LINGO2: variants seen among roughly 807,000 people sequenced by gnomAD.
The protein encoded by LINGO2 is leucine rich repeat and Ig domain containing 2, also known as leucine-rich repeat and immunoglobulin-like domain-containing nogo receptor-interacting protein 2.
A neutral mutation model predicts 30.6 loss-of-function variants in LINGO2; 14 were observed. That is an observed-to-expected ratio of 0.46 (90% CI 0.30 to 0.72). The LOEUF (loss-of-function observed/expected upper bound fraction) is 0.72, where lower values mean the gene tolerates loss of function less well. Among genes scored for constraint, LINGO2 ranks in the 30% least tolerant of loss-of-function variants. The pLI, the probability that LINGO2 is intolerant of heterozygous loss-of-function variation, is 0.07. For missense variants in LINGO2, 729 were observed against 751.7 expected (o/e 0.97, Z 0.35); for synonymous variants, 317 against 288.5 (o/e 1.10, Z -1.00).
intron 5 of LINGO2, among the ~76,000 whole-genome samples, chr9:27,956,696 G>T (rs1173515608): frequency 6.6e-6 from 1 of 152,044 alleles, no homozygotes; most frequent in Non-Finnish European, 1.5e-5. Flanking sequence ...TCAAGTCCGT[G>T]ACCCATTTTG....
chr9:28,829,069 A>T, the LINGO2 span, among the ~76,000 whole-genome samples: 1 of 151,766 alleles, frequency 6.6e-6, no homozygotes, highest in South Asian at 2.1e-4. Context: ...AGCCATAAAA[A>T]CCCCCAGGAC....
At chr9:28,753,582 G>T in the LINGO2 span, among the ~76,000 whole-genome samples, 1 of 152,168 alleles carries the variant, frequency 6.6e-6, no homozygotes, top group East Asian at 1.9e-4. Flanking sequence ...GTCATGAGGG[G>T]AAGCTTTTAA....
chr9:28,924,335 C>T, the LINGO2 span, among the ~76,000 whole-genome samples: 2 of 152,170 alleles, frequency 1.3e-5, no homozygotes, highest in Non-Finnish European at 2.9e-5. Flanking sequence ...ACTCTCCCAC[C>T]TCAGCCCCAC....
chr9:28,811,912 T>C, the LINGO2 span, among the ~76,000 whole-genome samples: 9 of 152,262 alleles, frequency 5.9e-5, no homozygotes, highest in East Asian at 1.7e-3. Context: ...GTTTTCCTTA[T>C]TCACCCCTAG....
chr9:28,488,003 GA>G (rs1162602746), intron 1 of LINGO2, among the ~76,000 whole-genome samples: 4 of 152,126 alleles, frequency 2.6e-5, no homozygotes, highest in African/African-American at 9.7e-5. Context: ...TGTATACTCT[GA>G]AAAGCATGCT....
chr9:28,418,368 T>G (rs572758394), intron 2 of LINGO2, among the ~76,000 whole-genome samples: 2 of 149,152 alleles, frequency 1.3e-5, no homozygotes, highest in Non-Finnish European at 3.0e-5. Context: ...AACCTCTGTC[T>G]CCCATGTTCA....
intron 4 of LINGO2, among the ~76,000 whole-genome samples, chr9:28,052,805 G>A (rs1202598058): frequency 6.6e-6 from 1 of 151,960 alleles, no homozygotes; most frequent in Non-Finnish European, 1.5e-5. Flanking sequence ...CATGACATTT[G>A]GCATCAAAGG....
chr9:28,699,265 C>A, the LINGO2 span, among the ~76,000 whole-genome samples: 1 of 151,888 alleles, frequency 6.6e-6, no homozygotes, highest in Admixed American at 6.6e-5. Flanking sequence ...CCCTAAAAAT[C>A]TTCCATACTC....
intron 1 of LINGO2, among the ~76,000 whole-genome samples, chr9:28,537,548 GAA>G (rs72454733): frequency 2.1e-5 from 3 of 140,804 alleles, no homozygotes; most frequent in African/African-American, 7.8e-5. Flanking sequence ...AAAGTAAATA[GAA>G]AAAAAAAAAT....
intron 3 of LINGO2, among the ~76,000 whole-genome samples, chr9:28,360,631 G>A (rs905214296): frequency 3.9e-5 from 6 of 152,126 alleles, no homozygotes; most frequent in African/African-American, 9.7e-5. Flanking sequence ...GCCTGAAACC[G>A]CAGATAGTAC....
At chr9:28,512,580 GATATATATGTGTGTATATATATAT>G (rs1365372135) in intron 1 of LINGO2, among the ~76,000 whole-genome samples, 19 of 87,118 alleles carry the variant, frequency 2.2e-4, no homozygotes, top group African/African-American at 7.3e-4. Context: ...GAACTAACAG[GATATATATGTGTGTATATATATAT>G]ATATATATAT....
At chr9:28,913,093 A>C in the LINGO2 span, among the ~76,000 whole-genome samples, 1 of 152,214 alleles carries the variant, frequency 6.6e-6, no homozygotes, top group East Asian at 1.9e-4. Flanking sequence ...ACTGATCTAG[A>C]CAATAATTAT....
At chr9:28,542,472 C>T (rs571170999) in intron 1 of LINGO2, among the ~76,000 whole-genome samples, 54 of 152,010 alleles carry the variant, frequency 3.6e-4, no homozygotes, top group African/African-American at 1.1e-3. Flanking sequence ...TAGTGAATTG[C>T]GGATTTCTTC....
Position 28,050,146 on chromosome 9 carries a change from G to A in LINGO2, c.-86-37741C>T, listed in dbSNP as rs1824605517. Among the ~76,000 whole-genome samples, 6 of 150,542 alleles carry A rather than the reference G, an allele frequency of 4.0e-5. 1 individual carries two copies. Among genetic ancestry groups the A allele is most frequent in the African/African-American group, 1.5e-4 (6 of 40,674 alleles). On this transcript the variant is annotated intron_variant, in intron 4 of 5. Coordinates refer to ENST00000379992, the Ensembl canonical transcript of LINGO2. ...CAAGTATAACTAGCTCTCTAGTGTG[G>A]GTGGCTGAGTGAAGCAACTAAAATT...
At chr9:28,526,108 C>A (rs1821026893) in intron 1 of LINGO2, among the ~76,000 whole-genome samples, 1 of 141,300 alleles carries the variant, frequency 7.1e-6, no homozygotes, top group Admixed American at 7.1e-5. Flanking sequence ...TACTGGTGAA[C>A]TTGTATGGAA....
the LINGO2 span, among the ~76,000 whole-genome samples, chr9:28,976,051 A>G: frequency 0.65 from 98,896 of 151,970 alleles, 32,791 homozygotes; most frequent in Non-Finnish European, 0.72. Flanking sequence ...GTCAAACAAG[A>G]AATTAAATTA....
chr9:29,064,861 T>C, the LINGO2 span, among the ~76,000 whole-genome samples: 1 of 152,134 alleles, frequency 6.6e-6, no homozygotes, highest in Non-Finnish European at 1.5e-5. Flanking sequence ...ATTTATACTT[T>C]CATATTTATC....
the LINGO2 span, among the ~76,000 whole-genome samples, chr9:28,682,562 G>T: frequency 6.6e-6 from 1 of 151,796 alleles, no homozygotes; most frequent in Admixed American, 6.6e-5. Flanking sequence ...TTTTCATTTT[G>T]CCAGGTACTT....
the LINGO2 span, among the ~76,000 whole-genome samples, chr9:28,975,895 C>T: frequency 1.8e-4 from 27 of 152,232 alleles, no homozygotes; most frequent in Middle Eastern, 3.4e-3. Context: ...GTTTCCTGAT[C>T]ATATATGATT....
Sources: gnomAD v4.1 joint callset for allele counts (sites outside exome capture counted in the v4.1 genomes callset) on GRCh38, gnomAD v4.1.1 for gene constraint, MANE v1.5 for transcripts, NCBI Gene and HGNC (gene_info 2026-07-23, HGNC 2026-07-21) for gene names.